The following PARM1 variants were observed in gnomAD, a reference collection of about 807,000 sequenced individuals.
The protein encoded by PARM1 is prostate androgen-regulated mucin-like protein 1, also known as WSC4, cell wall integrity and stress response component 4 homolog.
In PARM1, 14 loss-of-function variants were observed where a neutral mutation model predicts 24.6. The ratio of observed to expected loss-of-function variants is 0.57; its 90% CI spans 0.38 to 0.89. The LOEUF is 0.89. PARM1 is among the 40% of genes least tolerant of loss of function. The pLI is 0.00. For missense variants in PARM1, 362 were observed against 380.4 expected, an observed-to-expected ratio of 0.95 and a Z score of 0.40; for synonymous variants, 179 against 156.6, an observed-to-expected ratio of 1.14 and a Z score of -1.07.
At chr4:75,035,566 C>T (rs1330492033) in intron 3 of PARM1, among the ~76,000 whole-genome samples, 1 of 152,200 alleles carries the variant, frequency 6.6e-6, no homozygotes, top group Non-Finnish European at 1.5e-5. Flanking sequence ...CATATCCACT[C>T]TGCTGCTGCC....
intron 2 of PARM1, among the ~76,000 whole-genome samples, chr4:75,029,375 A>G (rs1365415154): frequency 6.6e-6 from 1 of 152,130 alleles, no homozygotes; most frequent in Admixed American, 6.5e-5. Flanking sequence ...CTTACCTTGA[A>G]TTGTAATAAT....
chr4:75,034,172 T>C (rs1423048357), intron 3 of PARM1, among the ~76,000 whole-genome samples: 1 of 152,090 alleles, frequency 6.6e-6, no homozygotes, highest in Non-Finnish European at 1.5e-5. Flanking sequence ...AGAAGCAAGC[T>C]GAGATATACA....
chr4:75,043,454 G>C lies in PARM1; in HGVS notation c.849-2709G>C, dbSNP rs539255990. Among the ~76,000 whole-genome samples the C allele has an allele frequency of 9.2e-5, 14 of 151,988 alleles. No homozygotes were observed. The Middle Eastern group carries it at 0.014, about 148-fold the overall frequency. On this transcript the variant is annotated intron_variant, in intron 3 of 3. Transcript: ENST00000307428. ...TCCATTTTATAGATGAAGAAACAGG[G>C]GGTTAAAAACTTATTCAAGGACATA...
chr4:75,028,388 G>A (rs967570965), intron 2 of PARM1, among the ~76,000 whole-genome samples: 7 of 152,326 alleles, frequency 4.6e-5, no homozygotes, highest in African/African-American at 1.7e-4. Flanking sequence ...GAATTCCTCT[G>A]AGACAAAATG....
At chr4:75,020,269 C>T (rs992024231) in intron 2 of PARM1, among the ~76,000 whole-genome samples, 3 of 152,096 alleles carry the variant, frequency 2.0e-5, no homozygotes, top group Non-Finnish European at 2.9e-5. Context: ...TTACGCTCAG[C>T]TTTACAAATA....
intron 1 of PARM1, among the ~76,000 whole-genome samples, chr4:74,936,191 G>A (rs1721179965): frequency 6.6e-6 from 1 of 152,094 alleles, no homozygotes; most frequent in Non-Finnish European, 1.5e-5. Context: ...TTCTCTCAAG[G>A]TTGATTATGG....
At chr4:74,957,353 T>C (rs1721658347) in intron 1 of PARM1, 1 of 152,218 alleles carries the variant, frequency 6.6e-6, no homozygotes, top group Admixed American at 6.5e-5. Context: ...GGCTTTAATG[T>C]CTCCATCTGT....
chr4:74,937,307 G>A (rs1045067373), intron 1 of PARM1, among the ~76,000 whole-genome samples: 1 of 152,156 alleles, frequency 6.6e-6, no homozygotes, highest in Admixed American at 6.5e-5. Flanking sequence ...TCCTTAGCCT[G>A]AGAAACTCCT....
intron 2 of PARM1, 120 bp from the exon 3 acceptor site, chr4:75,033,763 C>G: frequency 1.5e-6 from 1 of 646,262 alleles, no homozygotes; most frequent in Non-Finnish European, 2.5e-6. Flanking sequence ...TCTGAAGTAG[C>G]TTTTCCCCCT....
At chr4:74,980,406 T>C (rs527487443) in intron 1 of PARM1, among the ~76,000 whole-genome samples, 1 of 152,134 alleles carries the variant, frequency 6.6e-6, no homozygotes, top group African/African-American at 2.4e-5. Context: ...ATACAGTTAA[T>C]AAGGGAAGTG....
At chr4:74,954,290 G>A (rs1721589932) in intron 1 of PARM1, among the ~76,000 whole-genome samples, 1 of 152,202 alleles carries the variant, frequency 6.6e-6, no homozygotes, top group African/African-American at 2.4e-5. Flanking sequence ...AACTGGAGAA[G>A]CAAGGTTCAT....
intron 1 of PARM1, among the ~76,000 whole-genome samples, chr4:74,951,336 G>A (rs191259077): frequency 6.6e-6 from 1 of 152,304 alleles, no homozygotes; most frequent in African/African-American, 2.4e-5. Context: ...AAAGTTGCAG[G>A]AGATGAAAAT....
At chr4:74,969,948 G>A (rs1161008348) in intron 1 of PARM1, 1 of 152,212 alleles carries the variant, frequency 6.6e-6, no homozygotes, top group East Asian at 1.9e-4. Flanking sequence ...CTTAACATGG[G>A]CCAAGTTAGT....
chr4:74,948,600 G>T (rs1024261080), intron 1 of PARM1, among the ~76,000 whole-genome samples: 3 of 152,132 alleles, frequency 2.0e-5, no homozygotes, highest in African/African-American at 7.2e-5. Context: ...ATCAGGAATC[G>T]CACAGTGAGA....
At chr4:75,036,075 C>T (rs751848275) in intron 3 of PARM1, among the ~76,000 whole-genome samples, 5 of 152,112 alleles carry the variant, frequency 3.3e-5, no homozygotes, top group Non-Finnish European at 7.3e-5. Context: ...ACATGTTCTG[C>T]CCCTCCTTCC....
At chr4:74,939,819 A>T (rs1721267888) in intron 1 of PARM1, among the ~76,000 whole-genome samples, 1 of 152,240 alleles carries the variant, frequency 6.6e-6, no homozygotes, top group African/African-American at 2.4e-5. Context: ...AGTGGAAAAA[A>T]TATTAAGATA....
chr4:74,961,004 C>CAA (rs1161009878), intron 1 of PARM1, among the ~76,000 whole-genome samples: 4 of 95,608 alleles, frequency 4.2e-5, no homozygotes, highest in African/African-American at 1.1e-4. Flanking sequence ...GACTCCGTCT[C>CAA]AAAAAAAAAA....
At chr4:74,970,678 T>C (rs534678493) in intron 1 of PARM1, among the ~76,000 whole-genome samples, 49 of 152,350 alleles carry the variant, frequency 3.2e-4, no homozygotes, top group Middle Eastern at 3.4e-3. Context: ...AGACCCTCTC[T>C]TACCCTGGTA....
At chr4:74,986,455 T>G (rs1348399894) in intron 1 of PARM1, among the ~76,000 whole-genome samples, 1 of 152,240 alleles carries the variant, frequency 6.6e-6, no homozygotes, top group Non-Finnish European at 1.5e-5. Flanking sequence ...CTCCACACCC[T>G]TTGTGTTACT....
Sources: gnomAD v4.1 joint callset for allele counts (sites outside exome capture counted in the v4.1 genomes callset) on GRCh38, gnomAD v4.1.1 for gene constraint, MANE v1.5 for transcripts, NCBI Gene and HGNC (gene_info 2026-07-23, HGNC 2026-07-21) for gene names.